The following DYNC2I1 variants were observed in gnomAD, a reference collection of about 807,000 sequenced individuals.
DYNC2I1 encodes dynein 2 intermediate chain 1.
Under a neutral mutation model 133.4 loss-of-function variants are expected in DYNC2I1, and 89 were observed. The observed-to-expected ratio is 0.67, with a 90% CI of 0.56 to 0.80. The LOEUF (loss-of-function observed/expected upper bound fraction) is 0.80. DYNC2I1 is among the 30% of genes least tolerant of loss of function. The pLI is 0.00. For synonymous variants in DYNC2I1, 504 were observed against 484.3 expected (o/e 1.04, Z -0.54); for missense variants, 1,291 against 1,314.5 (o/e 0.98, Z 0.28).
At chr7:158,866,319 C>A (rs1403322532) in intron 1 of DYNC2I1, among the ~76,000 whole-genome samples, 14 of 150,824 alleles carry the variant, frequency 9.3e-5, no homozygotes, top group African/African-American at 3.2e-4. Flanking sequence ...GTGTCCTGGG[C>A]ATCCCTTCTT....
Position 158,901,877 on chromosome 7 carries a change from T to C in DYNC2I1, c.1137+61T>C, listed in dbSNP as rs1445293166. On this transcript the variant is annotated intron_variant, in intron 9 of 24. Coordinates refer to ENST00000407559, the MANE Select transcript of DYNC2I1 (RefSeq NM_018051.5). Reference sequence around the variant, plus strand: ...AATCATTTATTCTTAAAAATCAGCTTATATATAGTAATTTGATGTCCTTTT... The same window carrying C: ...AATCATTTATTCTTAAAAATCAGCTCATATATAGTAATTTGATGTCCTTTT... The C allele has an allele frequency of 6.5e-6, 8 of 1,237,016 alleles. No individual in the cohort carries two copies. The East Asian group carries it at 1.0e-4, about 16-fold the overall frequency. The allele number at this position is 1,237,016 out of a possible 1,614,324, so 76.6% of individuals were successfully genotyped here.
At chr7:158,944,926 G>C (rs748331460) in intron 24 of DYNC2I1, among the ~76,000 whole-genome samples, 3 of 152,226 alleles carry the variant, frequency 2.0e-5, no homozygotes, top group Non-Finnish European at 4.4e-5. Flanking sequence ...ACCAGCCACA[G>C]GAGGGGGTTT....
chr7:158,906,940 A>C (rs1846878913), intron 11 of DYNC2I1, among the ~76,000 whole-genome samples: 1 of 152,172 alleles, frequency 6.6e-6, no homozygotes, highest in Non-Finnish European at 1.5e-5. Flanking sequence ...GGAGTTCAAG[A>C]GCCTGAGCAA....
chr7:158,889,227 CCTGT>C (rs1844942754), intron 7 of DYNC2I1, among the ~76,000 whole-genome samples: 1 of 152,072 alleles, frequency 6.6e-6, no homozygotes, highest in South Asian at 2.1e-4. Flanking sequence ...ACTACAGGCG[CCTGT>C]CACCACACCT....
At chr7:158,872,945 C>A (rs982322918) in intron 3 of DYNC2I1, among the ~76,000 whole-genome samples, 1 of 151,386 alleles carries the variant, frequency 6.6e-6, no homozygotes, top group Non-Finnish European at 1.5e-5. Context: ...GAGCTGAGAT[C>A]ACGCCACTAC....
In DYNC2I1 at chr7:158,922,233, T is replaced by C. The variant is rs973513207; in HGVS notation, c.1922-144T>C. 6.7e-6 allele frequency: 5 copies of C among 741,874 alleles called. No homozygotes were observed. The South Asian group carries it at 9.3e-5, about 14-fold the overall frequency. The allele number at this position is 741,874 out of a possible 1,614,324, so 46.0% of individuals were successfully genotyped here. ...TAGGCTGTGGCCGTTCATCAAAACC[T>C]ACGTTTCATGTATGTTGGTTTCGAA... On this transcript the variant is annotated intron_variant, in intron 15 of 24. Transcript: ENST00000407559.
At chr7:158,919,728 G>A (rs1446673802) in intron 15 of DYNC2I1, among the ~76,000 whole-genome samples, 1 of 152,176 alleles carries the variant, frequency 6.6e-6, no homozygotes, top group African/African-American at 2.4e-5. Context: ...AACAAAAATG[G>A]CATTGTTAAT....
chr7:158,937,157 A>G (rs1850840813), intron 23 of DYNC2I1, among the ~76,000 whole-genome samples: 1 of 152,228 alleles, frequency 6.6e-6, no homozygotes, highest in African/African-American at 2.4e-5. Flanking sequence ...CAGAAAAGCA[A>G]TTCAGAAATT....
intron 2 of DYNC2I1, 70 bp from the exon 3 acceptor site, chr7:158,871,072 T>G: frequency 6.7e-7 from 1 of 1,501,540 alleles, no homozygotes; most frequent in South Asian, 1.3e-5. Flanking sequence ...GCTTCTCACA[T>G]TCAGGTATTA....
At chr7:158,844,949 C>A in the DYNC2I1 span, among the ~76,000 whole-genome samples, 1 of 152,046 alleles carries the variant, frequency 6.6e-6, no homozygotes, top group Non-Finnish European at 1.5e-5. Context: ...CTTTGTTCTG[C>A]ACCTGGGAAG....
intron 4 of DYNC2I1, among the ~76,000 whole-genome samples, chr7:158,954,729 A>G (rs1324978393): frequency 6.6e-6 from 1 of 152,272 alleles, no homozygotes; most frequent in Non-Finnish European, 1.5e-5. Context: ...AAAAATAAGT[A>G]AGAAAAAATT....
intron 20 of DYNC2I1, among the ~76,000 whole-genome samples, chr7:158,928,772 C>G (rs1289351250): frequency 9.0e-6 from 1 of 111,594 alleles, no homozygotes; most frequent in African/African-American, 2.9e-5. Flanking sequence ...GGGCGAGACC[C>G]ACATAGTCAG....
chr7:158,845,085 G>T, the DYNC2I1 span, among the ~76,000 whole-genome samples: 1 of 151,982 alleles, frequency 6.6e-6, no homozygotes, highest in South Asian at 2.1e-4. Context: ...TTTCTTTTCT[G>T]CTTGCTTTAA....
downstream of DYNC2I1, among the ~76,000 whole-genome samples, chr7:158,948,959 A>G (rs1159047398): frequency 6.6e-6 from 1 of 152,214 alleles, no homozygotes; most frequent in African/African-American, 2.4e-5. Context: ...CCCTCCTACT[A>G]AGGAAGGTTC....
intron 8 of DYNC2I1, among the ~76,000 whole-genome samples, chr7:158,900,308 G>A (rs1350755765): frequency 3.9e-5 from 6 of 151,974 alleles, no homozygotes; most frequent in African/African-American, 1.5e-4. Flanking sequence ...TTTTAGTAGA[G>A]ATGGGGTTTC....
At chr7:158,950,829 ATGATTC>A, downstream of DYNC2I1, among the ~76,000 whole-genome samples, 1 of 149,766 alleles carries the variant, frequency 6.7e-6, no homozygotes, top group African/African-American at 2.5e-5. Context: ...CAGCCTCTAT[ATGATTC>A]CAGGTGTTCT....
At chr7:158,850,604 C>A in the DYNC2I1 span, among the ~76,000 whole-genome samples, 1 of 152,204 alleles carries the variant, frequency 6.6e-6, no homozygotes, top group Non-Finnish European at 1.5e-5. Flanking sequence ...AGGGTAGAAG[C>A]TGGAATGTTG....
chr7:158,890,622 A>C (rs546718623), intron 7 of DYNC2I1, among the ~76,000 whole-genome samples: 49 of 149,696 alleles, frequency 3.3e-4, no homozygotes, highest in African/African-American at 1.1e-3. Context: ...TTTGAGACTG[A>C]GTTTCGCTCT....
intron 10 of DYNC2I1, chr7:158,905,383 C>G (rs867780978): frequency 4.1e-6 from 1 of 242,572 alleles, no homozygotes. Context: ...TCAAGTGATC[C>G]GCCTGCCTCG....
Sources: allele counts gnomAD v4.1 joint callset (sites outside exome capture counted in the v4.1 genomes callset), GRCh38; gene constraint gnomAD v4.1.1; transcripts MANE v1.5; gene names NCBI Gene and HGNC (gene_info 2026-07-23, HGNC 2026-07-21).